Variants in PTN observed in about 807,000 individuals in gnomAD.
The protein encoded by PTN is pleiotrophin.
PTN carries 18 observed loss-of-function variants against 24.1 expected under a neutral mutation model. The ratio of observed to expected loss-of-function variants is 0.75; its 90% CI spans 0.52 to 1.11. The LOEUF is 1.11. Ranked by LOEUF, PTN falls within the 50% of genes least tolerant of loss-of-function variation. PTN has a pLI of 0.00. For missense variants in PTN, 163 were observed against 198.8 expected, an observed-to-expected ratio of 0.82 and a Z score of 1.08; for synonymous variants, 78 against 68.6, an observed-to-expected ratio of 1.14 and a Z score of -0.67.
intron 1 of PTN, among the ~76,000 whole-genome samples, chr7:137,339,365 A>C (rs1585051415): frequency 6.6e-6 from 1 of 152,106 alleles, no homozygotes; most frequent in East Asian, 1.9e-4. Context: ...TTAGGCATCC[A>C]ACATACGTAC....
At chr7:137,324,431 A>ATATAT (rs1554383212) in intron 1 of PTN, among the ~76,000 whole-genome samples, 1 of 63,082 alleles carries the variant, frequency 1.6e-5, no homozygotes, top group African/African-American at 8.1e-5. Flanking sequence ...AAAAAAAAAA[A>ATATAT]AAATATATAT....
chr7:137,335,484 A>C (rs907371819), intron 1 of PTN, among the ~76,000 whole-genome samples: 10 of 152,184 alleles, frequency 6.6e-5, no homozygotes, highest in African/African-American at 2.2e-4. Flanking sequence ...TTTGCATATA[A>C]CATATTGACA....
intron 4 of PTN, among the ~76,000 whole-genome samples, chr7:137,229,619 G>A (rs1019937548): frequency 6.6e-6 from 1 of 151,858 alleles, no homozygotes; most frequent in Non-Finnish European, 1.5e-5. Flanking sequence ...ATATGCAAGT[G>A]GGTCAGCAGT....
At chr7:137,260,339 A>C (rs765588152) in intron 1 of PTN, among the ~76,000 whole-genome samples, 33 of 152,260 alleles carry the variant, frequency 2.2e-4, no homozygotes, top group Non-Finnish European at 1.9e-4. Flanking sequence ...ACACAAACCC[A>C]CTAAAGAGCT....
At chr7:137,229,385 A>G (rs901053733) in intron 4 of PTN, among the ~76,000 whole-genome samples, 5 of 151,812 alleles carry the variant, frequency 3.3e-5, no homozygotes, top group Non-Finnish European at 5.9e-5. Flanking sequence ...GCCTGTGTCC[A>G]AGAGGACCAT....
intron 1 of PTN, among the ~76,000 whole-genome samples, chr7:137,257,765 T>C (rs1166898730): frequency 6.6e-6 from 1 of 152,234 alleles, no homozygotes; most frequent in Admixed American, 6.5e-5. Context: ...ATTTAGGTTG[T>C]TGAGAATTAG....
At chr7:137,321,776 T>C (rs1810166815) in intron 1 of PTN, among the ~76,000 whole-genome samples, 1 of 152,230 alleles carries the variant, frequency 6.6e-6, no homozygotes, top group Non-Finnish European at 1.5e-5. Flanking sequence ...TGAAATATTG[T>C]TTAATGCTTA....
chr7:137,295,255 A>C (rs1242899720), intron 1 of PTN, among the ~76,000 whole-genome samples: 1 of 152,200 alleles, frequency 6.6e-6, no homozygotes, highest in Non-Finnish European at 1.5e-5. Flanking sequence ...GCCTCTGTGG[A>C]GCTTGAAGTA....
At chr7:137,305,970 C>T (rs1809881527) in intron 1 of PTN, among the ~76,000 whole-genome samples, 1 of 152,016 alleles carries the variant, frequency 6.6e-6, no homozygotes, top group African/African-American at 2.4e-5. Flanking sequence ...GTGCCCGCTC[C>T]CTGCGCTGCT....
At chr7:137,237,293 G>GTT (rs1278211138) in intron 4 of PTN, among the ~76,000 whole-genome samples, 1 of 144,268 alleles carries the variant, frequency 6.9e-6, no homozygotes, top group Non-Finnish European at 1.5e-5. Flanking sequence ...CCAGGAAGAG[G>GTT]GGCCTCATAG....
intron 1 of PTN, among the ~76,000 whole-genome samples, chr7:137,307,251 A>C (rs913410524): frequency 6.6e-6 from 1 of 152,116 alleles, no homozygotes; most frequent in Admixed American, 6.6e-5. Flanking sequence ...CCACTGAAGC[A>C]CAGCATCTGA....
At chr7:137,290,590 T>A (rs1191198970) in intron 1 of PTN, among the ~76,000 whole-genome samples, 1 of 152,176 alleles carries the variant, frequency 6.6e-6, no homozygotes, top group Non-Finnish European at 1.5e-5. Flanking sequence ...ATTCATTATA[T>A]CACCTGGACC....
At position 137,303,735 on chromosome 7, in the gene PTN, C is replaced by A. The variant is rs115126608; in HGVS notation, c.-2+39704G>T. On this transcript the variant is annotated intron_variant, in intron 1 of 4. Transcript: ENST00000348225. ...GCACAAATGAGTTTGAAAAAGCAAACAAATTTAATTCGTTGACTATTTCTA... is the reference window on the plus strand; with the variant it reads ...GCACAAATGAGTTTGAAAAAGCAAAAAAATTTAATTCGTTGACTATTTCTA... Among the ~76,000 whole-genome samples, 939 of 152,010 alleles carry A rather than the reference C, an allele frequency of 6.2e-3. 9 individuals are homozygous for A. Among genetic ancestry groups the A allele is most frequent in the African/African-American group, 0.022 (906 of 41,500 alleles).
chr7:137,233,991 CACAT>C lies in PTN; in HGVS notation c.452-5920_452-5917del, dbSNP rs577525030. On this transcript the variant is annotated intron_variant, in intron 4 of 4. Transcript: ENST00000348225. ...ATATATATGTATATATATACACACA[CACAT>C]ACATAGAGAGAGAGAGATTACTCAT... Among the ~76,000 whole-genome samples the C allele has an allele frequency of 5.6e-4, 84 of 151,152 alleles. No homozygotes were observed. The South Asian group carries it at 0.015, about 28-fold the overall frequency.
At chr7:137,232,415 A>T (rs1195561291) in intron 4 of PTN, among the ~76,000 whole-genome samples, 1 of 151,946 alleles carries the variant, frequency 6.6e-6, no homozygotes, top group African/African-American at 2.4e-5. Context: ...GGATACAGAG[A>T]TGAGAAAAAA....
chr7:137,327,949 G>A (rs1214416230), intron 1 of PTN, among the ~76,000 whole-genome samples: 5 of 152,130 alleles, frequency 3.3e-5, no homozygotes, highest in Admixed American at 3.3e-4. Context: ...CGGACACCTT[G>A]TTATTCAGCT....
intron 1 of PTN, chr7:137,325,815 C>G (rs1413509023): frequency 6.6e-6 from 1 of 152,160 alleles, no homozygotes; most frequent in East Asian, 1.9e-4. Flanking sequence ...CAGTGCACAT[C>G]TAAAATGCAG....
intron 1 of PTN, among the ~76,000 whole-genome samples, chr7:137,324,433 A>AAAAAATATATATATATATATAT: frequency 2.3e-5 from 2 of 88,802 alleles, no homozygotes; most frequent in African/African-American, 6.9e-5. Flanking sequence ...AAAAAAAAAA[A>AAAAAATATATATATATATATAT]ATATATATAT....
chr7:137,310,577 T>A (rs1395174222), intron 1 of PTN, among the ~76,000 whole-genome samples: 9 of 152,006 alleles, frequency 5.9e-5, no homozygotes, highest in Admixed American at 5.9e-4. Flanking sequence ...TTTCTTTTTT[T>A]GTATTTTTAG....
Sources: gnomAD v4.1 joint callset for allele counts (sites outside exome capture counted in the v4.1 genomes callset) on GRCh38, gnomAD v4.1.1 for gene constraint, MANE v1.5 for transcripts, NCBI Gene and HGNC (gene_info 2026-07-23, HGNC 2026-07-21) for gene names.